Variants in PHACTR3 observed in about 807,000 individuals in gnomAD.
The protein encoded by PHACTR3 is protein phosphatase 1, regulatory subunit 123.
In PHACTR3, 16 loss-of-function variants were observed where a neutral mutation model predicts 66.8. The observed-to-expected ratio is 0.24, with a 90% CI of 0.16 to 0.36. The LOEUF is 0.36. Ranked by LOEUF, PHACTR3 falls within the 10% of genes least tolerant of loss-of-function variation. The pLI is 1.00. For synonymous variants in PHACTR3, 323 were observed against 292.1 expected (o/e 1.11, Z -1.08); for missense variants, 647 against 719.9 (o/e 0.90, Z 1.16).
rs1400476185 is a variant in PHACTR3 at position 59,822,230 on chromosome 20, C to G, written c.1329-14275C>G. Among the ~76,000 whole-genome samples, 86 of 27,552 alleles carry G rather than the reference C, an allele frequency of 3.1e-3. 17 individuals are homozygous for G. Among genetic ancestry groups the G allele is most frequent in the African/African-American group, 0.027 (72 of 2,626 alleles). 18.1% of individuals were successfully genotyped at this position (27,552 alleles called of 152,430 possible). On this transcript the variant is annotated intron_variant, in intron 8 of 12. Transcript: ENST00000371015. ...CCTCCGCAGCCATCCCACCCCCTCC[C>G]CTGCCATCCCACCCCCTCCCCACAG...
chr20:59,610,948 A>T (rs1342873373), intron 1 of PHACTR3, among the ~76,000 whole-genome samples: 3 of 152,258 alleles, frequency 2.0e-5, no homozygotes, highest in Non-Finnish European at 4.4e-5. Flanking sequence ...TTTCCTATCC[A>T]CACAGAACTC....
chr20:59,589,276 A>G (rs1184491434), intron 1 of PHACTR3, among the ~76,000 whole-genome samples: 2 of 152,202 alleles, frequency 1.3e-5, no homozygotes, highest in East Asian at 1.9e-4. Flanking sequence ...CCAGAATTTA[A>G]TTGCCTAAAT....
intron 1 of PHACTR3, among the ~76,000 whole-genome samples, chr20:59,624,820 G>A (rs1423683990): frequency 6.6e-6 from 1 of 152,230 alleles, no homozygotes; most frequent in Non-Finnish European, 1.5e-5. Context: ...AAGACTTTAT[G>A]TAAACCTGCA....
At chr20:59,808,501 G>T (rs184749721) in intron 8 of PHACTR3, among the ~76,000 whole-genome samples, 1 of 152,210 alleles carries the variant, frequency 6.6e-6, no homozygotes, top group African/African-American at 2.4e-5. Context: ...GCTGGGCTTG[G>T]TAGACAGTGC....
chr20:59,609,057 C>T (rs2033767930), intron 1 of PHACTR3, among the ~76,000 whole-genome samples: 1 of 152,206 alleles, frequency 6.6e-6, no homozygotes, highest in Non-Finnish European at 1.5e-5. Context: ...CGGTGCCTGG[C>T]CAGGCAACTG....
In PHACTR3 at chr20:59,801,876, A is replaced by G. The variant is rs144599863; in HGVS notation, c.1175-4165A>G. Among the ~76,000 whole-genome samples, 46 of 152,308 alleles carry G rather than the reference A, an allele frequency of 3.0e-4. 1 individual carries two copies. The highest frequency in any genetic ancestry group is 9.9e-4 in the African/African-American group (41 of 41,568). On this transcript the variant is annotated intron_variant, in intron 7 of 12. Coordinates refer to ENST00000371015, the MANE Select transcript of PHACTR3 (RefSeq NM_080672.5). Reference sequence around the variant, plus strand: ...TGAGAACATGATAAATGCCGGTTTTACCTTTCCTTCCCTCACCTGACCAAG... The same window carrying G: ...TGAGAACATGATAAATGCCGGTTTTGCCTTTCCTTCCCTCACCTGACCAAG...
Position 59,774,358 on chromosome 20 carries a change from G to T in PHACTR3, c.1042G>T (p.Ala348Ser). The T allele has an allele frequency of 6.2e-7, 1 of 1,614,166 alleles. No individual in the cohort carries two copies. Among genetic ancestry groups the T allele is most frequent in the Non-Finnish European group, 8.5e-7 (1 of 1,180,028 alleles). The change falls in exon 7 of 13, where the codon GCA becomes TCA. Residue 348 changes from alanine to serine, a missense_variant. Coordinates refer to ENST00000371015, the MANE Select transcript of PHACTR3 (RefSeq NM_080672.5). ...EREEAWSFDG[A>S]LENKRTAAKE... ...GGAGGAGGCTTGGAGCTTTGACGGG[G>T]CATTGGAGAACAAGCGAACTGCCGC...
intron 1 of PHACTR3, among the ~76,000 whole-genome samples, chr20:59,735,822 C>T (rs79356818): frequency 0.012 from 1,796 of 152,224 alleles, 44 homozygotes; most frequent in African/African-American, 0.041. Context: ...TAGTGAATCC[C>T]AGGGCACAAT....
chr20:59,805,929 G>C (rs2041552743), intron 7 of PHACTR3, 112 bp from the exon 8 acceptor site: 1 of 1,162,806 alleles, frequency 8.6e-7, no homozygotes, highest in East Asian at 2.4e-5. Flanking sequence ...CCATCACCCT[G>C]GTCTGGAGTC....
chr20:59,714,603 A>G (rs574902170), intron 1 of PHACTR3, among the ~76,000 whole-genome samples: 1 of 152,354 alleles, frequency 6.6e-6, no homozygotes, highest in South Asian at 2.1e-4. Context: ...CAGTCATGAT[A>G]TCTGATAGTG....
chr20:59,602,150 T>C (rs957330965), upstream of PHACTR3, among the ~76,000 whole-genome samples: 1 of 152,180 alleles, frequency 6.6e-6, no homozygotes. Flanking sequence ...TGGGCCCTTT[T>C]TAACCACACA....
chr20:59,825,848 T>C (rs1177474881), intron 8 of PHACTR3, among the ~76,000 whole-genome samples: 1 of 152,142 alleles, frequency 6.6e-6, no homozygotes, highest in Non-Finnish European at 1.5e-5. Flanking sequence ...ATGGTGGTTG[T>C]ACATGGGGCC....
chr20:59,715,302 A>T (rs1177895139), intron 1 of PHACTR3, among the ~76,000 whole-genome samples: 4 of 152,166 alleles, frequency 2.6e-5, no homozygotes, highest in Non-Finnish European at 4.4e-5. Context: ...ATTTCCTTTT[A>T]TTCCTAATCT....
intron 1 of PHACTR3, among the ~76,000 whole-genome samples, chr20:59,705,189 A>G (rs910069713): frequency 1.3e-5 from 2 of 152,092 alleles, no homozygotes; most frequent in African/African-American, 4.8e-5. Flanking sequence ...ACTCCTGAAC[A>G]AAAAGTGATC....
chr20:59,607,765 C>T (rs549160176), intron 1 of PHACTR3, among the ~76,000 whole-genome samples: 20 of 152,310 alleles, frequency 1.3e-4, no homozygotes, highest in East Asian at 1.9e-4. Flanking sequence ...CACTGGGTCT[C>T]GGAGATCTTG....
chr20:59,773,157 G>C lies in PHACTR3; in HGVS notation c.752-122G>C, dbSNP rs187192199. The C allele has an allele frequency of 1.0e-3, 1,191 of 1,165,800 alleles. 7 individuals are homozygous for C. The African/African-American group carries it at 0.017, about 16-fold the overall frequency. The allele number at this position is 1,165,800 out of a possible 1,614,324, so 72.2% of individuals were successfully genotyped here. On this transcript the variant is annotated intron_variant, in intron 5 of 12. Transcript: ENST00000371015. ...ATCCCGGTCCAGCATCTTGGCATTA[G>C]TTGGGGCCCCTCCTGGAGGTGCAGG... is the stretch of plus-strand genomic sequence containing the variant.
intron 1 of PHACTR3, among the ~76,000 whole-genome samples, chr20:59,671,093 T>C (rs538675443): frequency 3.0e-4 from 45 of 152,342 alleles, no homozygotes; most frequent in African/African-American, 1.1e-3. Context: ...CATGTGGTTC[T>C]CCTTCTGTTT....
intron 1 of PHACTR3, among the ~76,000 whole-genome samples, chr20:59,685,010 C>T (rs1189021441): frequency 2.0e-5 from 3 of 152,178 alleles, no homozygotes; most frequent in African/African-American, 7.2e-5. Context: ...CTTGGTCTGG[C>T]GTGTCCTCCC....
At chr20:59,641,213 C>T (rs997618403) in intron 1 of PHACTR3, among the ~76,000 whole-genome samples, 1 of 152,170 alleles carries the variant, frequency 6.6e-6, no homozygotes, top group Admixed American at 6.5e-5. Flanking sequence ...TCTATCCATT[C>T]ATCCATCCAT....
Sources: allele counts gnomAD v4.1 joint callset (sites outside exome capture counted in the v4.1 genomes callset), GRCh38; gene constraint gnomAD v4.1.1; transcripts MANE v1.5; gene names NCBI Gene and HGNC (gene_info 2026-07-23, HGNC 2026-07-21).